KANK1: variants seen among roughly 807,000 people sequenced by gnomAD.
KANK1 encodes KN motif and ankyrin repeat domains 1.
In KANK1, 109 loss-of-function variants were observed where a neutral mutation model predicts 106.2. The observed-to-expected ratio is 1.03, with a 90% CI of 0.88 to 1.20. KANK1 has a LOEUF of 1.20. Ranked by LOEUF, KANK1 falls within the 50% of genes most tolerant of loss-of-function variation. The pLI is 0.00. For missense variants in KANK1, 2,399 were observed against 1,710.7 expected (o/e 1.40, Z -7.10); for synonymous variants, 873 against 652.2 (o/e 1.34, Z -5.16).
At chr9:742,473 C>A in intron 10 of KANK1, 68 bp downstream of exon 10, 1 of 1,324,634 alleles carries the variant, frequency 7.5e-7, no homozygotes, top group Non-Finnish European at 1.0e-6. Flanking sequence ...TCTGGGAGTG[C>A]CTTTTGGCCA....
chr9:550,189 C>T (rs753217610), intron 1 of KANK1, among the ~76,000 whole-genome samples: 1 of 151,960 alleles, frequency 6.6e-6, no homozygotes, highest in South Asian at 2.1e-4. Flanking sequence ...TGGTAGGTTC[C>T]CCCACCCCAA....
intron 1 of KANK1, among the ~76,000 whole-genome samples, chr9:584,102 T>G (rs1822848190): frequency 6.6e-6 from 1 of 152,116 alleles, no homozygotes. Flanking sequence ...TTTCTCAGCA[T>G]TACATATATA....
At chr9:525,468 C>A (rs1333240496) in intron 1 of KANK1, among the ~76,000 whole-genome samples, 1 of 151,274 alleles carries the variant, frequency 6.6e-6, no homozygotes, top group Admixed American at 6.6e-5. Context: ...CAACTTCCAC[C>A]TCCCTGGTTC....
chr9:579,454 G>C (rs2135219285), intron 1 of KANK1, among the ~76,000 whole-genome samples: 1 of 152,270 alleles, frequency 6.6e-6, no homozygotes, highest in South Asian at 2.1e-4. Context: ...TGTTGTCCCT[G>C]CTTCTCTCAG....
chr9:598,201 C>CT (rs1269038752), intron 1 of KANK1, among the ~76,000 whole-genome samples: 5 of 151,564 alleles, frequency 3.3e-5, no homozygotes, highest in African/African-American at 4.9e-5. Flanking sequence ...TTTCTGGACT[C>CT]TTTTTTCTAT....
chr9:665,659 A>G (rs1844402661), intron 1 of KANK1, among the ~76,000 whole-genome samples: 1 of 152,148 alleles, frequency 6.6e-6, no homozygotes, highest in African/African-American at 2.4e-5. Flanking sequence ...GTGGTTCCAT[A>G]TAAAATTTAG....
intron 1 of KANK1, among the ~76,000 whole-genome samples, chr9:563,390 A>G (rs976204486): frequency 6.6e-6 from 1 of 152,162 alleles, no homozygotes; most frequent in Non-Finnish European, 1.5e-5. Context: ...CCATTGTGTA[A>G]CTGGAGTGAT....
chr9:730,253 C>G lies in KANK1; in HGVS notation c.2896+5C>G. ...AGATCGCCGCTGGCCTCTATGGTAA[C>G]TTTTCTCACTCACAGTCATTGGCAT... On this transcript the variant is annotated splice_donor_5th_base_variant and intron_variant, in intron 4 of 11. Transcript: ENST00000382297. The G allele has an allele frequency of 3.1e-6, 5 of 1,614,088 alleles. No individual in the cohort carries two copies. Among genetic ancestry groups the G allele is most frequent in the Non-Finnish European group, 4.2e-6 (5 of 1,179,912 alleles).
intron 1 of KANK1, among the ~76,000 whole-genome samples, chr9:534,937 C>T (rs141861281): frequency 6.6e-6 from 1 of 152,118 alleles, no homozygotes; most frequent in East Asian, 1.9e-4. Flanking sequence ...GAGGTTGGGC[C>T]GAGGGGAAGC....
chr9:702,229 C>T (rs1445734574), intron 2 of KANK1, among the ~76,000 whole-genome samples: 1 of 89,164 alleles, frequency 1.1e-5, no homozygotes, highest in Non-Finnish European at 2.8e-5. Context: ...AGTGAGTTGG[C>T]TCAGAGATGA....
At position 741,363 on chromosome 9, in the gene KANK1, A is replaced by G. The variant is rs933117803; in HGVS notation, c.3696+429A>G. On this transcript the variant is annotated intron_variant, in intron 9 of 11. Coordinates refer to ENST00000382297, the MANE Select transcript of KANK1 (RefSeq NM_015158.5). ...AAGAGACGGTCTTGCTCTGTCCCCC[A>G]GGCTGGAGTGCAGTGGCGGGATCTT... is the stretch of plus-strand genomic sequence containing the variant. Among the ~76,000 whole-genome samples the G allele has an allele frequency of 1.1e-4, 16 of 151,040 alleles. 1 individual carries two copies. The highest frequency in any genetic ancestry group is 5.9e-4 in the Admixed American group (9 of 15,186).
intron 1 of KANK1, among the ~76,000 whole-genome samples, chr9:514,169 TC>T: frequency 2.9e-5 from 2 of 69,934 alleles, no homozygotes; most frequent in Non-Finnish European, 4.7e-5. Context: ...CCTTCCTCTC[TC>T]CCTCCCTTCC....
upstream of KANK1, among the ~76,000 whole-genome samples, chr9:503,223 A>G (rs540412461): frequency 7.2e-5 from 11 of 152,052 alleles, no homozygotes; most frequent in South Asian, 2.1e-3. Flanking sequence ...CTTTTCATAG[A>G]AGAGTAGACA....
intron 2 of KANK1, among the ~76,000 whole-genome samples, chr9:692,127 C>T (rs1820096667): frequency 6.6e-6 from 1 of 152,096 alleles, no homozygotes; most frequent in African/African-American, 2.4e-5. Flanking sequence ...GAGAGAGGCA[C>T]AGTTTTATAA....
intron 1 of KANK1, among the ~76,000 whole-genome samples, chr9:508,567 C>A (rs2058882976): frequency 1.3e-5 from 2 of 151,832 alleles, no homozygotes; most frequent in African/African-American, 4.9e-5. Context: ...CTTGTCCAAT[C>A]ACTGCCCCTC....
intron 2 of KANK1, among the ~76,000 whole-genome samples, chr9:684,933 ACTTCT>A (rs1818262311): frequency 6.6e-6 from 1 of 152,214 alleles, no homozygotes. Context: ...CATTGGGTAG[ACTTCT>A]CTAATAAAAC....
chr9:587,521 G>C (rs547532114), intron 1 of KANK1, among the ~76,000 whole-genome samples: 3 of 152,198 alleles, frequency 2.0e-5, no homozygotes, highest in Non-Finnish European at 4.4e-5. Flanking sequence ...AGAAAATAGA[G>C]AGTTTAAATC....
intron 3 of KANK1, among the ~76,000 whole-genome samples, chr9:725,024 C>T (rs568176964): frequency 1.3e-5 from 2 of 152,158 alleles, no homozygotes; most frequent in South Asian, 2.1e-4. Context: ...TTGTTTGGAC[C>T]GCTGAATTCA....
At chr9:616,033 G>A (rs1831737269) in intron 1 of KANK1, among the ~76,000 whole-genome samples, 1 of 152,104 alleles carries the variant, frequency 6.6e-6, no homozygotes, top group African/African-American at 2.4e-5. Context: ...GGATCAACAG[G>A]GACTCTTCTG....
Sources: allele counts gnomAD v4.1 joint callset (sites outside exome capture counted in the v4.1 genomes callset), GRCh38; gene constraint gnomAD v4.1.1; transcripts MANE v1.5; gene names NCBI Gene and HGNC (gene_info 2026-07-23, HGNC 2026-07-21).